C1QTNF3: variants seen among roughly 807,000 people sequenced by gnomAD.
C1QTNF3 encodes the protein C1q and TNF related 3.
A neutral mutation model predicts 32.6 loss-of-function variants in C1QTNF3; 26 were observed. The observed-to-expected ratio is 0.80, with a 90% CI of 0.58 to 1.11. The LOEUF (loss-of-function observed/expected upper bound fraction) is 1.11, where lower values mean the gene tolerates loss of function less well. C1QTNF3 is among the 50% of genes least tolerant of loss of function. The pLI, the probability that C1QTNF3 is intolerant of heterozygous loss-of-function variation, is 0.00. For missense variants in C1QTNF3, 362 were observed against 398.2 expected, an observed-to-expected ratio of 0.91 and a Z score of 0.77; for synonymous variants, 155 against 146.0, an observed-to-expected ratio of 1.06 and a Z score of -0.44.
chr5:34,132,769 AG>A, the C1QTNF3 span, among the ~76,000 whole-genome samples: 1 of 152,146 alleles, frequency 6.6e-6, no homozygotes, highest in African/African-American at 2.4e-5. Context: ...AAGAGCTTAA[AG>A]GTGTCTCCGA....
At chr5:34,203,598 A>C in the C1QTNF3 span, among the ~76,000 whole-genome samples, 1 of 151,856 alleles carries the variant, frequency 6.6e-6, no homozygotes, top group Non-Finnish European at 1.5e-5. Context: ...AAGCAGGAGA[A>C]TCGCTTGAAC....
chr5:34,174,968 C>T, the C1QTNF3 span, among the ~76,000 whole-genome samples: 1 of 151,560 alleles, frequency 6.6e-6, no homozygotes, highest in African/African-American at 2.4e-5. Flanking sequence ...AGGATGGTCT[C>T]GATCTCCTGA....
chr5:34,116,806 G>T, the C1QTNF3 span, among the ~76,000 whole-genome samples: 2 of 151,942 alleles, frequency 1.3e-5, no homozygotes, highest in Non-Finnish European at 2.9e-5. Flanking sequence ...ATGTTGGCCG[G>T]GCTGGTTTGA....
At chr5:34,052,522 C>G in the C1QTNF3 span, among the ~76,000 whole-genome samples, 1 of 152,216 alleles carries the variant, frequency 6.6e-6, no homozygotes, top group African/African-American at 2.4e-5. Context: ...TTGACTTTAG[C>G]TGCAGACACA....
At chr5:34,126,591 C>T in the C1QTNF3 span, among the ~76,000 whole-genome samples, 1 of 145,200 alleles carries the variant, frequency 6.9e-6, no homozygotes, top group Non-Finnish European at 1.5e-5. Flanking sequence ...AATCTGATTT[C>T]TGAGTGTATG....
the C1QTNF3 span, among the ~76,000 whole-genome samples, chr5:34,061,949 T>C: frequency 6.6e-6 from 1 of 152,198 alleles, no homozygotes; most frequent in Admixed American, 6.5e-5. Flanking sequence ...TTCTATTGCA[T>C]TGTCAGGCTG....
At chr5:34,102,914 T>C in the C1QTNF3 span, among the ~76,000 whole-genome samples, 5 of 127,912 alleles carry the variant, frequency 3.9e-5, no homozygotes, top group African/African-American at 1.3e-4. Context: ...CACACCAACA[T>C]GGCACATGTA....
At chr5:34,084,077 G>A in the C1QTNF3 span, among the ~76,000 whole-genome samples, 1 of 151,636 alleles carries the variant, frequency 6.6e-6, no homozygotes, top group Non-Finnish European at 1.5e-5. Context: ...CTTTAAGACT[G>A]TTTATTACAG....
upstream of C1QTNF3, among the ~76,000 whole-genome samples, chr5:34,047,416 G>A (rs562119448): frequency 6.6e-6 from 1 of 152,284 alleles, no homozygotes; most frequent in East Asian, 1.9e-4. Flanking sequence ...GTACTCCGTG[G>A]CCTCCCCCAT....
the C1QTNF3 span, among the ~76,000 whole-genome samples, chr5:34,140,923 TAA>T: frequency 6.6e-6 from 1 of 152,366 alleles, no homozygotes; most frequent in East Asian, 1.9e-4. Context: ...TTGTCAATTA[TAA>T]ATTCCTGACC....
In C1QTNF3 at chr5:34,021,706, T is replaced by C. The variant is rs367688923; in HGVS notation, c.801-964A>G. ...GCATATTCTCACTCATAAGTGGGAG[T>C]TGAACAATGAGAACACATGGACACA... On this transcript the variant is annotated intron_variant, in intron 5 of 5. Coordinates refer to ENST00000382065, the MANE Select transcript of C1QTNF3 (RefSeq NM_181435.6). 4.7e-4 allele frequency among the ~76,000 whole-genome samples: 71 copies of C among 151,548 alleles called. No homozygotes were observed. The East Asian group carries it at 0.011, about 24-fold the overall frequency.
At chr5:34,084,707 G>T in the C1QTNF3 span, among the ~76,000 whole-genome samples, 1 of 148,120 alleles carries the variant, frequency 6.8e-6, no homozygotes, top group Non-Finnish European at 1.5e-5. Flanking sequence ...TAAGTTCCTA[G>T]TAGATTCTGG....
the C1QTNF3 span, among the ~76,000 whole-genome samples, chr5:34,068,825 C>A: frequency 1.3e-5 from 2 of 152,066 alleles, no homozygotes; most frequent in African/African-American, 4.8e-5. Context: ...GAACTCTTGG[C>A]AACATAGGTA....
At chr5:34,100,141 A>G in the C1QTNF3 span, among the ~76,000 whole-genome samples, 1 of 151,964 alleles carries the variant, frequency 6.6e-6, no homozygotes, top group African/African-American at 2.4e-5. Flanking sequence ...CTTCCAAGAT[A>G]GCATTTTGTT....
the C1QTNF3 span, among the ~76,000 whole-genome samples, chr5:34,242,616 C>T: frequency 6.6e-6 from 1 of 151,842 alleles, no homozygotes; most frequent in Admixed American, 6.6e-5. Context: ...TAATTTTTGG[C>T]TAAGTTTCTA....
At chr5:34,031,414 G>C (rs1401386214) in intron 3 of C1QTNF3, among the ~76,000 whole-genome samples, 2 of 152,202 alleles carry the variant, frequency 1.3e-5, no homozygotes, top group Non-Finnish European at 2.9e-5. Context: ...TTATGGGTTA[G>C]AGTGTCTAGC....
chr5:34,069,546 G>C, the C1QTNF3 span, among the ~76,000 whole-genome samples: 2 of 152,124 alleles, frequency 1.3e-5, no homozygotes, highest in African/African-American at 4.8e-5. Flanking sequence ...ACTGACCTCA[G>C]TTAACTATGA....
the C1QTNF3 span, among the ~76,000 whole-genome samples, chr5:34,054,109 G>C: frequency 2.0e-5 from 3 of 152,150 alleles, no homozygotes; most frequent in African/African-American, 7.2e-5. Context: ...TGCCCAGAAG[G>C]ATGGCTTTCA....
At chr5:34,226,702 C>T in the C1QTNF3 span, among the ~76,000 whole-genome samples, 1 of 151,706 alleles carries the variant, frequency 6.6e-6, no homozygotes, top group Admixed American at 6.6e-5. Context: ...CTTTGGACTC[C>T]CCAAAACTAA....
Sources: allele counts gnomAD v4.1 joint callset (sites outside exome capture counted in the v4.1 genomes callset), GRCh38; gene constraint gnomAD v4.1.1; transcripts MANE v1.5; gene names NCBI Gene and HGNC (gene_info 2026-07-23, HGNC 2026-07-21).